The following CSMD2 variants were observed in gnomAD, a reference collection of about 807,000 sequenced individuals.
CSMD2 encodes CUB and Sushi multiple domains 2, also known as CUB and sushi domain-containing protein 2.
Under a neutral mutation model 398.5 loss-of-function variants are expected in CSMD2, and 130 were observed. The ratio of observed to expected loss-of-function variants is 0.33; its 90% CI spans 0.28 to 0.38. The LOEUF (loss-of-function observed/expected upper bound fraction) is 0.38. CSMD2 is among the 10% of genes least tolerant of loss of function. The probability of loss-of-function intolerance (pLI) is 1.00; values close to 1 mark genes in which losing one functional copy is unlikely to be tolerated. For missense variants in CSMD2, 3,829 were observed against 4,764.9 expected (o/e 0.80, Z 5.78); for synonymous variants, 1,828 against 1,908.5 (o/e 0.96, Z 1.10).
At chr1:33,634,605 G>C (rs999580828) in intron 31 of CSMD2, among the ~76,000 whole-genome samples, 1 of 152,222 alleles carries the variant, frequency 6.6e-6, no homozygotes, top group Non-Finnish European at 1.5e-5. Flanking sequence ...CAGGACTCTT[G>C]AATGTCCCCA....
chr1:33,814,397 T>G (rs1657218662), intron 9 of CSMD2, among the ~76,000 whole-genome samples: 1 of 152,186 alleles, frequency 6.6e-6, no homozygotes, highest in African/African-American at 2.4e-5. Flanking sequence ...ACCATTTATC[T>G]CTATTAGCTC....
chr1:33,638,833 C>T (rs1642950490), intron 29 of CSMD2, among the ~76,000 whole-genome samples: 1 of 152,172 alleles, frequency 6.6e-6, no homozygotes, highest in Admixed American at 6.5e-5. Flanking sequence ...CCCCAACACC[C>T]TCCTCTGCTA....
At chr1:33,934,808 C>A (rs1644418732) in intron 4 of CSMD2, among the ~76,000 whole-genome samples, 2 of 134,672 alleles carry the variant, frequency 1.5e-5, no homozygotes, top group South Asian at 2.4e-4. Context: ...CCAGCCTGGG[C>A]AACATAGAGA....
At chr1:33,583,552 G>T in intron 47 of CSMD2, 90 bp downstream of exon 47, 1 of 1,317,336 alleles carries the variant, frequency 7.6e-7, no homozygotes, top group Non-Finnish European at 1.1e-6. Flanking sequence ...GGCAAGCCCT[G>T]ATAGGAAAAC....
intron 2 of CSMD2, among the ~76,000 whole-genome samples, chr1:34,069,993 T>G (rs1655537363): frequency 6.6e-6 from 1 of 152,186 alleles, no homozygotes; most frequent in East Asian, 1.9e-4. Flanking sequence ...CCTTCATAAT[T>G]ACTCCAGGCA....
At chr1:33,921,926 T>C (rs1481826214) in intron 4 of CSMD2, among the ~76,000 whole-genome samples, 1 of 152,104 alleles carries the variant, frequency 6.6e-6, no homozygotes, top group Non-Finnish European at 1.5e-5. Flanking sequence ...GGTTTTCCCA[T>C]CATCAAAGCT....
At chr1:34,076,470 T>C (rs769155581) in intron 2 of CSMD2, among the ~76,000 whole-genome samples, 3 of 152,228 alleles carry the variant, frequency 2.0e-5, no homozygotes, top group African/African-American at 4.8e-5. Flanking sequence ...GCAGAATCCC[T>C]GGCCTCAACC....
intron 19 of CSMD2, among the ~76,000 whole-genome samples, chr1:33,720,556 G>A (rs540911138): frequency 7.2e-5 from 11 of 152,204 alleles, no homozygotes; most frequent in Non-Finnish European, 1.3e-4. Flanking sequence ...GTACAAATGT[G>A]TAAAGCTCTA....
intron 1 of CSMD2, among the ~76,000 whole-genome samples, chr1:34,101,726 T>C (rs990838961): frequency 7.2e-5 from 11 of 152,022 alleles, no homozygotes; most frequent in Admixed American, 1.3e-4. Flanking sequence ...GGTATTTTTT[T>C]CCCTCATTTC....
At chr1:33,661,097 G>C (rs1339730366) in intron 26 of CSMD2, among the ~76,000 whole-genome samples, 1 of 152,218 alleles carries the variant, frequency 6.6e-6, no homozygotes, top group African/African-American at 2.4e-5. Flanking sequence ...GCATAGGAGA[G>C]CACCCAGGGA....
At chr1:33,856,052 A>G (rs55760158) in intron 5 of CSMD2, among the ~76,000 whole-genome samples, 6,475 of 152,288 alleles carry the variant, frequency 0.043, 151 homozygotes, top group Middle Eastern at 0.088. Context: ...CAGTTTCCTC[A>G]TCTGTGCAAT....
intron 55 of CSMD2, among the ~76,000 whole-genome samples, chr1:33,556,906 C>T (rs1438497171): frequency 6.6e-6 from 1 of 152,152 alleles, no homozygotes; most frequent in Non-Finnish European, 1.5e-5. Context: ...TTGTAAGTTT[C>T]CTGAGGCCTC....
At chr1:33,786,468 C>G (rs1048987731) in intron 12 of CSMD2, among the ~76,000 whole-genome samples, 19 of 152,178 alleles carry the variant, frequency 1.2e-4, no homozygotes. Flanking sequence ...TCTCATAGCC[C>G]CACAGCTGCT....
intron 5 of CSMD2, among the ~76,000 whole-genome samples, chr1:33,879,510 AG>A (rs1159710851): frequency 5.3e-5 from 8 of 152,208 alleles, no homozygotes; most frequent in African/African-American, 1.9e-4. Context: ...CTGACCTGAA[AG>A]TCACACAAAT....
intron 22 of CSMD2, among the ~76,000 whole-genome samples, chr1:33,707,725 A>G (rs1480129506): frequency 6.8e-6 from 1 of 146,978 alleles, no homozygotes; most frequent in African/African-American, 2.7e-5. Flanking sequence ...ACACACACAC[A>G]CACACACACA....
intron 3 of CSMD2, among the ~76,000 whole-genome samples, chr1:33,948,932 G>A (rs979306931): frequency 6.6e-5 from 10 of 152,142 alleles, no homozygotes; most frequent in African/African-American, 2.4e-4. Flanking sequence ...TCCAGAAAAT[G>A]TCTCTGGTGT....
At position 33,932,039 on chromosome 1, in the gene CSMD2, G is replaced by A. The variant is rs565113570; in HGVS notation, c.712+3721C>T. On this transcript the variant is annotated intron_variant, in intron 4 of 70. Coordinates refer to ENST00000373381, the MANE Select transcript of CSMD2 (RefSeq NM_001281956.2). ...GGGACATGGGGGCCGATGATGCGATGTGAACAGCAAGAAAAGCAAGAATGT... is the reference window on the plus strand; with the variant it reads ...GGGACATGGGGGCCGATGATGCGATATGAACAGCAAGAAAAGCAAGAATGT... 3.9e-4 allele frequency among the ~76,000 whole-genome samples: 59 copies of A among 152,310 alleles called. 2 individuals are homozygous for A. In the South Asian group the frequency reaches 7.7e-3, roughly 20 times the overall value.
At chr1:34,088,953 C>T (rs373230701) in intron 2 of CSMD2, 24 bp downstream of exon 2, 53 of 1,597,036 alleles carry the variant, frequency 3.3e-5, no homozygotes, top group Non-Finnish European at 4.5e-5. Context: ...CTGTTTGCTA[C>T]AGGGAAGGTG....
intron 11 of CSMD2, among the ~76,000 whole-genome samples, chr1:33,790,051 T>C (rs1385879024): frequency 1.3e-5 from 2 of 152,158 alleles, no homozygotes; most frequent in Admixed American, 6.5e-5. Context: ...GTTCTCTCTA[T>C]GTCAAAGCAC....
Sources: gnomAD v4.1 joint callset for allele counts (sites outside exome capture counted in the v4.1 genomes callset) on GRCh38, gnomAD v4.1.1 for gene constraint, MANE v1.5 for transcripts, NCBI Gene and HGNC (gene_info 2026-07-23, HGNC 2026-07-21) for gene names.